Variants in RBPJ observed in about 807,000 individuals in gnomAD.
RBPJ encodes recombination signal binding protein for immunoglobulin kappa J region, also known as recombining binding protein suppressor of hairless.
Under a neutral mutation model 67.8 loss-of-function variants are expected in RBPJ, and 9 were observed. The ratio of observed to expected loss-of-function variants is 0.13; its 90% CI spans 0.08 to 0.23. The LOEUF is 0.23. RBPJ is among the 10% of genes least tolerant of loss of function. RBPJ has a pLI of 1.00. For synonymous variants in RBPJ, 198 were observed against 203.3 expected (o/e 0.97, Z 0.22); for missense variants, 305 against 595.6 (o/e 0.51, Z 5.08).
At chr4:26,344,355 C>G (rs1207406866) in intron 1 of RBPJ, among the ~76,000 whole-genome samples, 1 of 152,108 alleles carries the variant, frequency 6.6e-6, no homozygotes, top group African/African-American at 2.4e-5. Context: ...CTGCGTCAGC[C>G]TCCGGAGTAG....
chr4:26,261,455 T>C (rs936533593), intron 1 of RBPJ, among the ~76,000 whole-genome samples: 2 of 152,156 alleles, frequency 1.3e-5, no homozygotes. Context: ...AGGAAGGCTA[T>C]ATCCCTTGGT....
At chr4:26,405,576 G>A (rs1445960424) in intron 2 of RBPJ, among the ~76,000 whole-genome samples, 2 of 151,870 alleles carry the variant, frequency 1.3e-5, no homozygotes, top group Admixed American at 1.3e-4. Flanking sequence ...GATTTTCACC[G>A]ATTTCAATTA....
intron 1 of RBPJ, among the ~76,000 whole-genome samples, chr4:26,226,828 AATGC>A (rs1222475859): frequency 6.6e-6 from 1 of 152,200 alleles, no homozygotes; most frequent in African/African-American, 2.4e-5. Flanking sequence ...TCAGAATTAG[AATGC>A]ATGCAATAAA....
intron 1 of RBPJ, among the ~76,000 whole-genome samples, chr4:26,244,709 C>G (rs1187162939): frequency 6.6e-6 from 1 of 152,000 alleles, no homozygotes; most frequent in Non-Finnish European, 1.5e-5. Context: ...CTTGCTGCAA[C>G]CTCTGCCTCC....
At chr4:26,166,463 G>T (rs1353583619) in intron 1 of RBPJ, among the ~76,000 whole-genome samples, 2 of 144,756 alleles carry the variant, frequency 1.4e-5, no homozygotes, top group East Asian at 4.0e-4. Context: ...TTTCTCTGAT[G>T]GCCAGTGATG....
intron 1 of RBPJ, 25 bp from the exon 2 acceptor site, chr4:26,386,328 A>G (rs773242215): frequency 2.2e-5 from 34 of 1,529,168 alleles, no homozygotes; most frequent in Non-Finnish European, 2.7e-5. Flanking sequence ...ACTTAACTTT[A>G]TTTTCTTTAT....
intron 1 of RBPJ, among the ~76,000 whole-genome samples, chr4:26,209,098 A>AAATATATATAT (rs1553848907): frequency 2.7e-5 from 4 of 146,962 alleles, no homozygotes; most frequent in African/African-American, 7.5e-5. Context: ...GAAGAAAAAA[A>AAATATATATAT]ATATATATAT....
chr4:26,405,743 A>G (rs555425945), intron 2 of RBPJ, among the ~76,000 whole-genome samples: 1 of 152,184 alleles, frequency 6.6e-6, no homozygotes, highest in African/African-American at 2.4e-5. Flanking sequence ...TTTGTATTCA[A>G]TGAAAAACAT....
chr4:26,367,500 TCAC>T (rs1306450643), intron 1 of RBPJ, among the ~76,000 whole-genome samples: 2 of 152,188 alleles, frequency 1.3e-5, no homozygotes, highest in Non-Finnish European at 2.9e-5. Context: ...CCTCTCAGTT[TCAC>T]TTTTTATATG....
chr4:26,162,356 G>A (rs916156540), upstream of RBPJ, among the ~76,000 whole-genome samples: 4 of 152,300 alleles, frequency 2.6e-5, no homozygotes, highest in Middle Eastern at 3.4e-3. Context: ...TTCACTCTAC[G>A]GCAAGGCCAG....
intron 1 of RBPJ, among the ~76,000 whole-genome samples, chr4:26,279,126 T>C (rs994658681): frequency 6.6e-6 from 1 of 152,224 alleles, no homozygotes; most frequent in Non-Finnish European, 1.5e-5. Flanking sequence ...ATGTACTCAA[T>C]AAATGTTAAC....
chr4:26,121,818 A>C, the RBPJ span, among the ~76,000 whole-genome samples: 1 of 151,420 alleles, frequency 6.6e-6, no homozygotes, highest in African/African-American at 2.4e-5. Context: ...TCACACACCC[A>C]GAAGCAATTA....
chr4:26,185,760 A>C (rs751474119), intron 1 of RBPJ, among the ~76,000 whole-genome samples: 1 of 152,152 alleles, frequency 6.6e-6, no homozygotes, highest in Non-Finnish European at 1.5e-5. Flanking sequence ...CAAAGGTTGG[A>C]TATAGAAACA....
At chr4:26,309,345 A>T (rs1722350776) in intron 1 of RBPJ, among the ~76,000 whole-genome samples, 1 of 152,130 alleles carries the variant, frequency 6.6e-6, no homozygotes, top group Admixed American at 6.6e-5. Flanking sequence ...ATCTAATTTG[A>T]TTCATGCAAC....
chr4:26,180,996 C>G (rs1442333163), intron 1 of RBPJ, among the ~76,000 whole-genome samples: 1 of 152,132 alleles, frequency 6.6e-6, no homozygotes, highest in African/African-American at 2.4e-5. Context: ...AAGGGCAGTT[C>G]CTCTGCACAT....
the RBPJ span, among the ~76,000 whole-genome samples, chr4:26,114,832 T>C: frequency 6.6e-6 from 1 of 152,200 alleles, no homozygotes; most frequent in South Asian, 2.1e-4. Flanking sequence ...CTGCTGATTG[T>C]TAAATTTTCA....
At chr4:26,154,212 A>C in the RBPJ span, among the ~76,000 whole-genome samples, 1 of 152,224 alleles carries the variant, frequency 6.6e-6, no homozygotes, top group Non-Finnish European at 1.5e-5. Flanking sequence ...TTGGAATGAT[A>C]GAGACCTGAG....
At chr4:26,412,208 C>T (rs1042353264) in intron 3 of RBPJ, among the ~76,000 whole-genome samples, 3 of 151,916 alleles carry the variant, frequency 2.0e-5, no homozygotes, top group African/African-American at 7.3e-5. Flanking sequence ...TCCAAAAATT[C>T]GAAGTGCTCC....
intron 1 of RBPJ, among the ~76,000 whole-genome samples, chr4:26,313,586 C>T (rs564716743): frequency 2.0e-5 from 3 of 151,896 alleles, no homozygotes; most frequent in African/African-American, 4.8e-5. Flanking sequence ...AGAAGAATGG[C>T]GTGAACCCAG....
Sources: gnomAD v4.1 joint callset for allele counts (sites outside exome capture counted in the v4.1 genomes callset) on GRCh38, gnomAD v4.1.1 for gene constraint, MANE v1.5 for transcripts, NCBI Gene and HGNC (gene_info 2026-07-23, HGNC 2026-07-21) for gene names.